Variants in TBC1D19 observed in about 807,000 individuals in gnomAD.
TBC1D19 encodes the protein TBC1 domain family member 19, also known as TBC1 domain family, member 19.
Under a neutral mutation model 89.0 loss-of-function variants are expected in TBC1D19, and 60 were observed. That is an observed-to-expected ratio of 0.67 (90% CI 0.55 to 0.84). TBC1D19 has a LOEUF of 0.84. Among genes scored for constraint, TBC1D19 ranks in the 40% least tolerant of loss-of-function variants. TBC1D19 has a pLI of 0.00. For missense variants in TBC1D19, 500 were observed against 610.8 expected (o/e 0.82, Z 1.91); for synonymous variants, 189 against 199.7 (o/e 0.95, Z 0.45).
chr4:26,667,903 T>C (rs1431721207), intron 9 of TBC1D19, among the ~76,000 whole-genome samples: 1 of 152,076 alleles, frequency 6.6e-6, no homozygotes, highest in Non-Finnish European at 1.5e-5. Flanking sequence ...GTGTATTTCA[T>C]CTTTGTCTTA....
intron 13 of TBC1D19, among the ~76,000 whole-genome samples, chr4:26,693,537 GA>G (rs1472920154): frequency 2.6e-5 from 4 of 151,424 alleles, no homozygotes; most frequent in African/African-American, 9.7e-5. Context: ...CTACAAAATA[GA>G]AAAAAAATTA....
At chr4:26,664,967 C>T (rs1254200523) in intron 8 of TBC1D19, among the ~76,000 whole-genome samples, 1 of 152,154 alleles carries the variant, frequency 6.6e-6, no homozygotes, top group Non-Finnish European at 1.5e-5. Flanking sequence ...CTAGTCCTGG[C>T]TCTCAGTCCT....
the TBC1D19 span, among the ~76,000 whole-genome samples, chr4:26,766,597 C>T: frequency 6.6e-6 from 1 of 152,142 alleles, no homozygotes; most frequent in Non-Finnish European, 1.5e-5. Context: ...TTGTGGAGAA[C>T]TATGCATATT....
At chr4:26,672,219 T>C in intron 10 of TBC1D19, 32 bp downstream of exon 10, 1 of 1,308,644 alleles carries the variant, frequency 7.6e-7, no homozygotes, top group Non-Finnish European at 1.0e-6. Context: ...TTATTATTTC[T>C]GAAAAGTGAG....
At chr4:26,603,855 A>C (rs745371952) in intron 1 of TBC1D19, among the ~76,000 whole-genome samples, 14 of 152,216 alleles carry the variant, frequency 9.2e-5, no homozygotes, top group Non-Finnish European at 1.9e-4. Context: ...TATACAGTTC[A>C]TTGTCATTAA....
At chr4:26,774,331 A>T in the TBC1D19 span, among the ~76,000 whole-genome samples, 1 of 152,224 alleles carries the variant, frequency 6.6e-6, no homozygotes, top group Non-Finnish European at 1.5e-5. Context: ...GCACTCTCTT[A>T]GTTCAGTTTT....
intron 1 of TBC1D19, among the ~76,000 whole-genome samples, chr4:26,590,400 T>C (rs1739693473): frequency 6.6e-6 from 1 of 152,294 alleles, no homozygotes; most frequent in African/African-American, 2.4e-5. Context: ...TGGTATGTAA[T>C]TTTCCTTCCT....
the TBC1D19 span, among the ~76,000 whole-genome samples, chr4:26,855,455 T>A: frequency 2.0e-5 from 3 of 152,336 alleles, no homozygotes; most frequent in African/African-American, 7.2e-5. Context: ...ACAACAACCC[T>A]CTATCTAGGT....
chr4:26,821,995 A>C, the TBC1D19 span, among the ~76,000 whole-genome samples: 1 of 152,372 alleles, frequency 6.6e-6, no homozygotes, highest in East Asian at 1.9e-4. Context: ...GTTCTGCAGC[A>C]GTCGCCACAT....
At chr4:26,596,953 CTTGA>C (rs1740262056) in intron 1 of TBC1D19, among the ~76,000 whole-genome samples, 1 of 152,048 alleles carries the variant, frequency 6.6e-6, no homozygotes, top group Non-Finnish European at 1.5e-5. Flanking sequence ...TGCTGATTTG[CTTGA>C]TTTGCTAAGG....
intron 4 of TBC1D19, among the ~76,000 whole-genome samples, chr4:26,633,588 G>A (rs1742935236): frequency 6.6e-6 from 1 of 152,106 alleles, no homozygotes; most frequent in Non-Finnish European, 1.5e-5. Context: ...CAGCTTTACA[G>A]ATAACGGCAG....
the TBC1D19 span, among the ~76,000 whole-genome samples, chr4:26,850,261 A>T: frequency 6.6e-6 from 1 of 151,958 alleles, no homozygotes; most frequent in East Asian, 1.9e-4. Context: ...AAAATGGGGA[A>T]ATTTGGGCCC....
At chr4:26,606,194 A>C (rs1458803504) in intron 1 of TBC1D19, among the ~76,000 whole-genome samples, 3 of 152,136 alleles carry the variant, frequency 2.0e-5, no homozygotes, top group Non-Finnish European at 4.4e-5. Flanking sequence ...CTGCGACTGA[A>C]AAGTTTGAAT....
chr4:26,673,973 T>C (rs1712570510), intron 11 of TBC1D19, 85 bp downstream of exon 11: 7 of 773,278 alleles, frequency 9.1e-6, no homozygotes, highest in South Asian at 2.3e-5. Flanking sequence ...GAAAAAACTT[T>C]TGTTTCTTAA....
intron 7 of TBC1D19, 39 bp from the exon 8 acceptor site, chr4:26,659,558 G>T (rs758760664): frequency 1.8e-5 from 25 of 1,383,972 alleles, no homozygotes; most frequent in Non-Finnish European, 2.4e-5. Context: ...AAACATCCTG[G>T]AAAGAAACTA....
chr4:26,583,356 T>A (rs929819513), upstream of TBC1D19, among the ~76,000 whole-genome samples: 6 of 152,230 alleles, frequency 3.9e-5, no homozygotes. Context: ...TCCTTTTATG[T>A]AAATGTTCAA....
chr4:26,665,591 C>T (rs1711734930), intron 8 of TBC1D19, among the ~76,000 whole-genome samples: 1 of 151,696 alleles, frequency 6.6e-6, no homozygotes, highest in Admixed American at 6.6e-5. Context: ...TAGCAGAGCA[C>T]TTGATGGTCC....
chr4:26,645,898 C>T (rs1192132350), intron 7 of TBC1D19, among the ~76,000 whole-genome samples: 10 of 151,342 alleles, frequency 6.6e-5, no homozygotes, highest in African/African-American at 9.7e-5. Flanking sequence ...CCGAGGCGGG[C>T]GGATCACGAG....
intron 4 of TBC1D19, among the ~76,000 whole-genome samples, chr4:26,635,960 A>G (rs1204222319): frequency 6.6e-6 from 1 of 152,164 alleles, no homozygotes; most frequent in Non-Finnish European, 1.5e-5. Context: ...TGAAGAAGCT[A>G]TGAATAATGA....
Sources: gnomAD v4.1 joint callset for allele counts (sites outside exome capture counted in the v4.1 genomes callset) on GRCh38, gnomAD v4.1.1 for gene constraint, MANE v1.5 for transcripts, NCBI Gene and HGNC (gene_info 2026-07-23, HGNC 2026-07-21) for gene names.